Variants in OPCML observed in about 807,000 individuals in gnomAD.
OPCML encodes the protein opioid binding protein/cell adhesion molecule like.
Under a neutral mutation model 37.8 loss-of-function variants are expected in OPCML, and 13 were observed. That is an observed-to-expected ratio of 0.34 (90% confidence interval 0.22 to 0.55). The LOEUF (loss-of-function observed/expected upper bound fraction) is 0.55, where lower values mean the gene tolerates loss of function less well. OPCML is among the 20% of genes least tolerant of loss of function. OPCML has a pLI of 0.91. For missense variants in OPCML, 341 were observed against 435.6 expected (o/e 0.78, Z 1.93); for synonymous variants, 176 against 168.8 (o/e 1.04, Z -0.33).
chr11:133,524,884 G>A (rs1256288578), intron 1 of OPCML, among the ~76,000 whole-genome samples: 1 of 152,200 alleles, frequency 6.6e-6, no homozygotes, highest in Non-Finnish European at 1.5e-5. Flanking sequence ...ATGCCTTTGA[G>A]GACTCAGTGG....
intron 4 of OPCML, among the ~76,000 whole-genome samples, chr11:132,439,528 A>T (rs2096024918): frequency 6.6e-6 from 1 of 152,062 alleles, no homozygotes; most frequent in Non-Finnish European, 1.5e-5. Flanking sequence ...TTCTTGCCCT[A>T]CTCCCTTTAT....
intron 1 of OPCML, among the ~76,000 whole-genome samples, chr11:133,356,010 A>G (rs147169041): frequency 0.01 from 1,553 of 152,312 alleles, 11 homozygotes; most frequent in Non-Finnish European, 0.014. Flanking sequence ...GCAAGTAGAG[A>G]AAAATCTCTA....
chr11:133,209,501 C>T (rs553689094), intron 1 of OPCML, among the ~76,000 whole-genome samples: 9 of 152,134 alleles, frequency 5.9e-5, no homozygotes, highest in African/African-American at 1.7e-4. Flanking sequence ...TTTGAGTTTG[C>T]GAGACAACCT....
intron 1 of OPCML, among the ~76,000 whole-genome samples, chr11:133,158,778 A>G (rs1950103536): frequency 6.6e-6 from 1 of 151,024 alleles, no homozygotes; most frequent in African/African-American, 2.5e-5. Flanking sequence ...AAAAATTTCT[A>G]GGAGGTATGA....
At chr11:132,544,562 C>T (rs990924001) in intron 3 of OPCML, among the ~76,000 whole-genome samples, 18 of 151,994 alleles carry the variant, frequency 1.2e-4, no homozygotes, top group African/African-American at 3.9e-4. Context: ...CAGAGGCAGC[C>T]GACTAAAAAG....
At chr11:132,701,378 C>T (rs1180864038) in intron 2 of OPCML, among the ~76,000 whole-genome samples, 1 of 152,202 alleles carries the variant, frequency 6.6e-6, no homozygotes, top group African/African-American at 2.4e-5. Flanking sequence ...TGTAGAGGCA[C>T]AGCCAAACCA....
At chr11:132,620,215 G>A (rs905758099) in intron 3 of OPCML, among the ~76,000 whole-genome samples, 7 of 152,278 alleles carry the variant, frequency 4.6e-5, no homozygotes, top group Middle Eastern at 3.4e-3. Context: ...ATGAATCCAA[G>A]TCAGAGCCAT....
At chr11:133,179,021 C>T (rs1395081587) in intron 1 of OPCML, among the ~76,000 whole-genome samples, 1 of 152,080 alleles carries the variant, frequency 6.6e-6, no homozygotes, top group African/African-American at 2.4e-5. Context: ...GGCTATTCCC[C>T]CTCCCCCATT....
chr11:133,514,374 G>A (rs1434284705), intron 1 of OPCML, among the ~76,000 whole-genome samples: 1 of 152,166 alleles, frequency 6.6e-6, no homozygotes, highest in Non-Finnish European at 1.5e-5. Flanking sequence ...CTCCCAAAAG[G>A]GACTGAAGAG....
intron 4 of OPCML, among the ~76,000 whole-genome samples, chr11:132,439,944 A>G (rs1363159459): frequency 6.6e-6 from 1 of 152,182 alleles, no homozygotes; most frequent in African/African-American, 2.4e-5. Context: ...GGTGGACCTC[A>G]GCCAGATGCC....
rs536710979 is a variant in OPCML at position 132,452,010 on chromosome 11, G to A, written c.506-14651C>T. 2.8e-4 allele frequency among the ~76,000 whole-genome samples: 43 copies of A among 152,184 alleles called. No individual in the cohort carries two copies. The South Asian group carries it at 4.2e-3, about 15-fold the overall frequency. ...GCTTTGCTCCCTCCCTGGGTTCAAT[G>A]TCACGCTCCTCCATTGTCACAGGAC... On this transcript the variant is annotated intron_variant, in intron 4 of 7. Transcript: ENST00000524381.
chr11:132,421,867 A>T (rs536465723), intron 7 of OPCML, among the ~76,000 whole-genome samples: 1 of 152,178 alleles, frequency 6.6e-6, no homozygotes, highest in Non-Finnish European at 1.5e-5. Context: ...CTGAGCTAGA[A>T]ATGCTCAGGT....
intron 1 of OPCML, among the ~76,000 whole-genome samples, chr11:133,102,733 G>A (rs537079008): frequency 1.3e-5 from 2 of 152,208 alleles, no homozygotes; most frequent in South Asian, 4.2e-4. Context: ...CTGGGTGATA[G>A]AGCAAGACTC....
intron 1 of OPCML, among the ~76,000 whole-genome samples, chr11:133,372,119 A>G (rs1944688200): frequency 6.6e-6 from 1 of 152,218 alleles, no homozygotes; most frequent in Non-Finnish European, 1.5e-5. Context: ...ACAGCACAGT[A>G]GAGTGACTAT....
At chr11:133,159,989 C>T (rs1468297807) in intron 1 of OPCML, among the ~76,000 whole-genome samples, 1 of 152,238 alleles carries the variant, frequency 6.6e-6, no homozygotes, top group Admixed American at 6.5e-5. Flanking sequence ...ATCAAAAACT[C>T]ATGTGGGCTG....
intron 1 of OPCML, among the ~76,000 whole-genome samples, chr11:133,379,028 A>T (rs1258742700): frequency 6.6e-6 from 1 of 152,110 alleles, no homozygotes; most frequent in Non-Finnish European, 1.5e-5. Flanking sequence ...GATTGCTGGG[A>T]TTAGAGGCAT....
At chr11:133,195,288 A>C (rs966530237) in intron 1 of OPCML, among the ~76,000 whole-genome samples, 6 of 152,180 alleles carry the variant, frequency 3.9e-5, no homozygotes, top group South Asian at 2.1e-4. Flanking sequence ...AATCCATAGA[A>C]GTCTCCTCCT....
At position 133,427,942 on chromosome 11, in the gene OPCML, C is replaced by G. The variant is rs577585213; in HGVS notation, c.61+104322G>C. ...TCACATCCTGCCTTCTATCCTGGAA[C>G]AAGACAAATTGCTTCCTACTTTATT... On this transcript the variant is annotated intron_variant, in intron 1 of 7. Coordinates refer to ENST00000524381, the MANE Select transcript of OPCML (RefSeq NM_001012393.5). Among the ~76,000 whole-genome samples, 6 of 152,276 alleles carry G rather than the reference C, an allele frequency of 3.9e-5. No individual in the cohort carries two copies. The South Asian group carries it at 1.2e-3, about 32-fold the overall frequency.
At chr11:133,494,500 A>G (rs1183245068) in intron 1 of OPCML, among the ~76,000 whole-genome samples, 5 of 149,422 alleles carry the variant, frequency 3.3e-5, no homozygotes, top group Admixed American at 2.0e-4. Flanking sequence ...GACTGGATTA[A>G]GAAAATGTGG....
Sources: allele counts gnomAD v4.1 joint callset (sites outside exome capture counted in the v4.1 genomes callset), GRCh38; gene constraint gnomAD v4.1.1; transcripts MANE v1.5; gene names NCBI Gene and HGNC (gene_info 2026-07-23, HGNC 2026-07-21).